TOP3B: variants seen among roughly 807,000 people sequenced by gnomAD.
TOP3B encodes DNA topoisomerase III beta.
TOP3B carries 45 observed loss-of-function variants against 93.9 expected under a neutral mutation model. That is an observed-to-expected ratio of 0.48 (90% CI 0.38 to 0.61). The LOEUF is 0.61. TOP3B is among the 20% of genes least tolerant of loss of function. The probability of loss-of-function intolerance (pLI) is 0.00; values close to 1 mark genes in which losing one functional copy is unlikely to be tolerated. For synonymous variants in TOP3B, 357 were observed against 472.6 expected, an observed-to-expected ratio of 0.76 and a Z score of 3.17; for missense variants, 750 against 1,156.1, an observed-to-expected ratio of 0.65 and a Z score of 5.09.
At chr22:21,961,838 A>G (rs939095035) in intron 13 of TOP3B, 10 of 164,160 alleles carry the variant, frequency 6.1e-5, no homozygotes, top group Non-Finnish European at 1.1e-4. Context: ...GGCCCCCAAC[A>G]TGTGAGACAT....
chr22:21,966,059 T>C (rs563053563), intron 8 of TOP3B: 2 of 150,220 alleles, frequency 1.3e-5, no homozygotes, highest in Non-Finnish European at 3.0e-5. Flanking sequence ...GTCTGACCAA[T>C]TTTTTTTTTC....
intron 16 of TOP3B, chr22:21,958,923 GA>G: frequency 6.8e-6 from 7 of 1,027,228 alleles, no homozygotes; most frequent in Non-Finnish European, 8.3e-6. Context: ...TGGTGTTAGG[GA>G]AAAATGCACC....
chr22:21,972,146 A>T, intron 4 of TOP3B, 195 bp from the exon 5 acceptor site: 1 of 550,348 alleles, frequency 1.8e-6, no homozygotes, highest in Non-Finnish European at 3.2e-6. Flanking sequence ...TTTATAATTG[A>T]TGTTTTTTGG....
At chr22:21,964,899 C>T (rs922565928) in intron 9 of TOP3B, 6 of 177,584 alleles carry the variant, frequency 3.4e-5, no homozygotes, top group African/African-American at 7.1e-5. Flanking sequence ...TAGTTCCCTG[C>T]GGGGGTGGGG....
At position 21,963,959 on chromosome 22, in the gene TOP3B, T is replaced by TG. The variant is rs2071303594; in HGVS notation, c.1167dup (p.Ile390HisfsTer15). ...TCTGTGGCAGACTTCATGGGGGTGA[T>TG]GGGGGGATGGTCGCCGGCGTCATGG... On this transcript the variant is annotated frameshift_variant, in exon 11 of 18. Coordinates refer to ENST00000357179, the MANE Select transcript of TOP3B (RefSeq NM_001282112.2). LOFTEE classifies it high-confidence loss of function. The surrounding 1 kb of genome is among the most constrained non-coding windows in gnomAD (Gnocchi z 4.8). 1 of 1,613,120 alleles carries TG rather than the reference T, an allele frequency of 6.2e-7. No individual in the cohort carries two copies. The highest frequency in any genetic ancestry group is 1.7e-5 in the Admixed American group (1 of 59,880).
chr22:21,980,380 G>C (rs2084603772), intron 1 of TOP3B, among the ~76,000 whole-genome samples: 1 of 152,146 alleles, frequency 6.6e-6, no homozygotes, highest in African/African-American at 2.4e-5. Context: ...TGTTCAGAAA[G>C]GATGCCAAAG....
intron 17 of TOP3B, chr22:21,957,869 C>A: frequency 1.3e-6 from 2 of 1,519,838 alleles, no homozygotes; most frequent in Non-Finnish European, 1.8e-6. Context: ...GCTTTGCTGC[C>A]AGCTTGTTAC....
Position 21,959,530 on chromosome 22 carries a change from G to A in TOP3B, c.1804+57C>T. 2 of 1,550,762 alleles carry A rather than the reference G, an allele frequency of 1.3e-6. No individual in the cohort carries two copies. The highest frequency in any genetic ancestry group is 1.7e-6 in the Non-Finnish European group (2 of 1,145,844). On this transcript the variant is annotated intron_variant, in intron 15 of 17. Coordinates refer to ENST00000357179, the MANE Select transcript of TOP3B (RefSeq NM_001282112.2). The stretch of plus-strand genomic sequence containing the variant: ...TGGGGACCTGGGTCCCCAGGTACTG[G>A]CCTTGCTGACAGAGAGACACCCCTC...
rs1378128238 is a variant in TOP3B, at chr22:21,974,647, G to A, written c.71-159C>T. 9.2e-6 allele frequency: 7 copies of A among 761,948 alleles called. No individual in the cohort carries two copies. In the Admixed American group the frequency reaches 1.5e-4, roughly 16 times the overall value. The allele number at this position is 761,948 out of a possible 1,614,324, so 47.2% of individuals were successfully genotyped here. A position where few individuals can be genotyped will look rare whatever the true frequency, so the allele number is the denominator to read the frequency against. Reference sequence around the variant, plus strand: ...AGACTGGTGCGGGTAGTTGGGCACTGAGAGGTGGGACGGCGCTCAGGGAAA... The same window carrying A: ...AGACTGGTGCGGGTAGTTGGGCACTAAGAGGTGGGACGGCGCTCAGGGAAA... On this transcript the variant is annotated intron_variant, in intron 2 of 17. Transcript: ENST00000357179.
chr22:21,967,717 C>A lies in TOP3B; in HGVS notation c.739-1G>T, dbSNP rs1325589095. 8 of 1,612,306 alleles carry A rather than the reference C, an allele frequency of 5.0e-6. No homozygotes were observed. Among genetic ancestry groups the A allele is most frequent in the Non-Finnish European group, 6.8e-6 (8 of 1,178,626 alleles). On this transcript the variant is annotated splice_acceptor_variant, in intron 7 of 17. Transcript: ENST00000357179. LOFTEE classifies it high-confidence loss of function. ...GAGATCTGTCTTTGTCAGTGTTAAC[C>A]TGCAGGAAAAAGGATAAAGGGTGAA...
chr22:21,967,390 C>A, intron 8 of TOP3B: 5 of 556,526 alleles, frequency 9.0e-6, no homozygotes, highest in Non-Finnish European at 1.6e-5. Flanking sequence ...TGGTATGGAG[C>A]GGGCATGCAG....
rs776086765 is a variant in TOP3B, at chr22:21,972,704, A to G, written c.217T>C (p.Trp73Arg). 1 of 1,613,842 alleles carries G rather than the reference A, an allele frequency of 6.2e-7. No individual in the cohort carries two copies. The highest frequency in any genetic ancestry group is 8.5e-7 in the Non-Finnish European group (1 of 1,179,906). ...TLDFLGKYNK[W>R]DKVDPAELFS... ...AGTTCTGCGGGGTCCACTTTGTCCC[A>G]TTTGTTGTATTTTCCTACAAACCAG... The change falls in exon 4 of 18, where the codon TGG (tryptophan) becomes CGG (arginine). Residue 73 changes from tryptophan to arginine, a missense_variant. Coordinates refer to ENST00000357179, the MANE Select transcript of TOP3B (RefSeq NM_001282112.2).
At position 21,972,630 on chromosome 22, in the gene TOP3B, G is replaced by A. The variant is rs2071687112; in HGVS notation, c.291C>T (p.Asn97=). Residue 97 remains asparagine, a synonymous_variant, in exon 4 of 18, where the codon AAC becomes AAT. Transcript: ENST00000357179. The stretch of plus-strand genomic sequence containing the variant: ...CACGCACCTGCAGGAACTTCACCAT[G>A]TTCAGCTTGGGGTTAGCTTCTTTCT... ...TEKKEANPKL[N]MVKFLQVEGR... is the part of the protein sequence containing the mutation. 2.5e-6 allele frequency: 4 copies of A among 1,610,624 alleles called. No individual in the cohort carries two copies. Among genetic ancestry groups the A allele is most frequent in the Non-Finnish European group, 3.4e-6 (4 of 1,178,972 alleles).
intron 12 of TOP3B, 39 bp downstream of exon 12, chr22:21,962,708 T>C: frequency 6.2e-7 from 1 of 1,612,342 alleles, no homozygotes; most frequent in Non-Finnish European, 8.5e-7. Flanking sequence ...TGTCTGCCCA[T>C]GAAGGCACAG....
intron 13 of TOP3B, 194 bp downstream of exon 13, chr22:21,962,235 T>G: frequency 2.0e-6 from 3 of 1,529,510 alleles, no homozygotes; most frequent in Non-Finnish European, 2.6e-6. Flanking sequence ...AGGTCCTGAA[T>G]GGAGGCCTCA....
At chr22:21,972,038 G>T in intron 4 of TOP3B, 87 bp from the exon 5 acceptor site, 1 of 1,226,182 alleles carries the variant, frequency 8.2e-7, no homozygotes, top group Non-Finnish European at 1.1e-6. Flanking sequence ...GACAGGGCTT[G>T]GTCCCAGGCC....
intron 13 of TOP3B, 124 bp from the exon 14 acceptor site, chr22:21,960,573 G>T: frequency 7.3e-7 from 1 of 1,371,492 alleles, no homozygotes. Flanking sequence ...GGTCACAGGA[G>T]GGAGGGCTGT....
rs770407290 is a variant in TOP3B at position 21,972,696 on chromosome 22, T to C, written c.225A>G (p.Lys75=). The C allele has an allele frequency of 1.9e-6, 3 of 1,613,900 alleles. No individual in the cohort carries two copies. The Admixed American group carries it at 5.0e-5, about 27-fold the overall frequency. The change falls in exon 4 of 18, where the codon AAA becomes AAG. Residue 75 remains lysine, a synonymous_variant. Transcript: ENST00000357179. ...DFLGKYNKWD[K]VDPAELFSQA... Reference sequence around the variant, plus strand: ...GGCTGAACAGTTCTGCGGGGTCCACTTTGTCCCATTTGTTGTATTTTCCTA... The same window carrying C: ...GGCTGAACAGTTCTGCGGGGTCCACCTTGTCCCATTTGTTGTATTTTCCTA...
chr22:21,964,422 G>T, intron 9 of TOP3B, 107 bp from the exon 10 acceptor site: 1 of 1,355,536 alleles, frequency 7.4e-7, no homozygotes, highest in Non-Finnish European at 1.0e-6. Flanking sequence ...CCCTCCTGGA[G>T]GGTGACGGTG....
Sources: allele counts gnomAD v4.1 joint callset (sites outside exome capture counted in the v4.1 genomes callset), GRCh38; gene constraint gnomAD v4.1.1; non-coding constraint Gnocchi (gnomAD v3.1); transcripts MANE v1.5; gene names NCBI Gene and HGNC (gene_info 2026-07-23, HGNC 2026-07-21).